FMN1: variants seen among roughly 807,000 people sequenced by gnomAD.
The protein encoded by FMN1 is formin-1.
FMN1 carries 110 observed loss-of-function variants against 132.4 expected under a neutral mutation model. The ratio of observed to expected loss-of-function variants is 0.83; its 90% CI spans 0.71 to 0.97. FMN1 has a LOEUF of 0.97. Among genes scored for constraint, FMN1 ranks in the 50% least tolerant of loss-of-function variants. FMN1 has a pLI of 0.00. For synonymous variants in FMN1, 722 were observed against 651.7 expected, an observed-to-expected ratio of 1.11 and a Z score of -1.64; for missense variants, 1,792 against 1,705.3, an observed-to-expected ratio of 1.05 and a Z score of -0.90.
At chr15:32,868,486 C>T (rs1411698839) in intron 16 of FMN1, among the ~76,000 whole-genome samples, 2 of 152,176 alleles carry the variant, frequency 1.3e-5, no homozygotes, top group East Asian at 3.8e-4. Flanking sequence ...TGTAAGTACA[C>T]TCTATGATGT....
intron 4 of FMN1, among the ~76,000 whole-genome samples, chr15:33,102,704 T>G (rs1165035375): frequency 6.6e-6 from 1 of 152,154 alleles, no homozygotes; most frequent in Non-Finnish European, 1.5e-5. Flanking sequence ...AAATGATGTC[T>G]TTCTGCTTTT....
intron 4 of FMN1, among the ~76,000 whole-genome samples, chr15:33,138,735 C>A (rs1333638665): frequency 1.3e-5 from 2 of 152,118 alleles, no homozygotes; most frequent in African/African-American, 2.4e-5. Context: ...GCTCAGATAT[C>A]GGTTCACATC....
At chr15:32,993,663 G>C (rs79252941) in intron 7 of FMN1, among the ~76,000 whole-genome samples, 2,090 of 152,278 alleles carry the variant, frequency 0.014, 44 homozygotes, top group African/African-American at 0.048. Context: ...GTTCCAGAGG[G>C]AGAATCAAGC....
intron 6 of FMN1, among the ~76,000 whole-genome samples, chr15:33,050,922 G>A (rs765764278): frequency 1.3e-5 from 2 of 152,222 alleles, no homozygotes; most frequent in East Asian, 1.9e-4. Flanking sequence ...GACATAGAAA[G>A]GTTTCAGTAT....
intron 4 of FMN1, among the ~76,000 whole-genome samples, chr15:33,093,207 A>G (rs939900991): frequency 6.6e-6 from 1 of 152,258 alleles, no homozygotes; most frequent in African/African-American, 2.4e-5. Context: ...AGAAAAAACA[A>G]AAACCCTAAG....
intron 4 of FMN1, among the ~76,000 whole-genome samples, chr15:33,122,084 TG>T (rs1962616310): frequency 6.6e-6 from 1 of 152,160 alleles, no homozygotes; most frequent in Non-Finnish European, 1.5e-5. Flanking sequence ...AATACTACTC[TG>T]GAAGTGCAGG....
chr15:33,028,301 T>C (rs942474538), intron 6 of FMN1, among the ~76,000 whole-genome samples: 3 of 152,154 alleles, frequency 2.0e-5, no homozygotes, highest in Non-Finnish European at 2.9e-5. Context: ...GACACGTGTA[T>C]ATAGATTATA....
chr15:32,881,711 A>T (rs2059774962), intron 16 of FMN1, among the ~76,000 whole-genome samples: 1 of 152,088 alleles, frequency 6.6e-6, no homozygotes, highest in African/African-American at 2.4e-5. Context: ...AGGGAAAGCC[A>T]CTTGAAGACA....
intron 6 of FMN1, among the ~76,000 whole-genome samples, chr15:33,052,031 ATTCTTTC>A (rs2036997546): frequency 6.6e-6 from 1 of 152,168 alleles, no homozygotes; most frequent in Non-Finnish European, 1.5e-5. Context: ...CCTTGGTCAA[ATTCTTTC>A]TTCTGAGGAG....
At chr15:32,855,715 C>A (rs546115904) in intron 17 of FMN1, among the ~76,000 whole-genome samples, 3 of 152,300 alleles carry the variant, frequency 2.0e-5, no homozygotes, top group African/African-American at 7.2e-5. Context: ...AAATGAGCCT[C>A]ATTTCAAGTT....
At chr15:33,119,167 G>A (rs913211273) in intron 4 of FMN1, among the ~76,000 whole-genome samples, 2 of 152,192 alleles carry the variant, frequency 1.3e-5, no homozygotes, top group Admixed American at 6.5e-5. Flanking sequence ...TGATGATCTA[G>A]TTAGATTCAT....
intron 6 of FMN1, among the ~76,000 whole-genome samples, chr15:33,019,045 G>C (rs111953434): frequency 7.2e-5 from 11 of 152,188 alleles, no homozygotes; most frequent in Non-Finnish European, 1.0e-4. Flanking sequence ...GGACCTGAGC[G>C]GGTTACCACT....
chr15:33,145,125 T>C (rs1035170215), intron 4 of FMN1, among the ~76,000 whole-genome samples: 1 of 152,130 alleles, frequency 6.6e-6, no homozygotes, highest in African/African-American at 2.4e-5. Context: ...AAATCATGTG[T>C]GCTCGTGGAT....
At chr15:33,015,882 G>T (rs1028126682) in intron 6 of FMN1, among the ~76,000 whole-genome samples, 12 of 152,214 alleles carry the variant, frequency 7.9e-5, no homozygotes, top group Non-Finnish European at 1.2e-4. Context: ...TAAAACCCGT[G>T]ATTTCACTGA....
chr15:32,950,062 T>G (rs558204676), intron 9 of FMN1, among the ~76,000 whole-genome samples: 1 of 79,690 alleles, frequency 1.3e-5, no homozygotes, highest in African/African-American at 5.5e-5. Context: ...CACATATATA[T>G]ATATATATAT....
chr15:33,180,952 T>C (rs1007321590), intron 2 of FMN1, among the ~76,000 whole-genome samples: 21 of 152,100 alleles, frequency 1.4e-4, no homozygotes, highest in African/African-American at 4.8e-4. Context: ...GGCTTCACCA[T>C]GTTGTCCAGG....
At chr15:33,004,692 A>G (rs971356998) in intron 7 of FMN1, among the ~76,000 whole-genome samples, 1 of 152,220 alleles carries the variant, frequency 6.6e-6, no homozygotes, top group Non-Finnish European at 1.5e-5. Context: ...TACTGGGTAC[A>G]TACCCAAAGG....
intron 4 of FMN1, among the ~76,000 whole-genome samples, chr15:33,130,874 T>C (rs1963511995): frequency 6.6e-6 from 1 of 152,226 alleles, no homozygotes; most frequent in Admixed American, 6.5e-5. Context: ...ATGGGAGATT[T>C]GGTTCTATTT....
chr15:32,874,951 T>C (rs1258998322), intron 16 of FMN1, among the ~76,000 whole-genome samples: 1 of 152,214 alleles, frequency 6.6e-6, no homozygotes, highest in Non-Finnish European at 1.5e-5. Context: ...ACATTAGCCA[T>C]TATAAATGTT....
Sources: allele counts gnomAD v4.1 joint callset (sites outside exome capture counted in the v4.1 genomes callset), GRCh38; gene constraint gnomAD v4.1.1; transcripts MANE v1.5; gene names NCBI Gene and HGNC (gene_info 2026-07-23, HGNC 2026-07-21).